Variants in PTPRD observed in about 807,000 individuals in gnomAD.
The protein encoded by PTPRD is receptor-type tyrosine-protein phosphatase delta.
Under a neutral mutation model 214.5 loss-of-function variants are expected in PTPRD, and 34 were observed. That is an observed-to-expected ratio of 0.16 (90% CI 0.12 to 0.21). The LOEUF is 0.21. Among genes scored for constraint, PTPRD ranks in the 10% least tolerant of loss-of-function variants. PTPRD has a pLI of 1.00. For missense variants in PTPRD, 2,545 were observed against 2,398.7 expected (o/e 1.06, Z -1.27); for synonymous variants, 1,128 against 845.7 (o/e 1.33, Z -5.79).
At chr9:9,783,052 T>C (rs1300941109) in intron 5 of PTPRD, among the ~76,000 whole-genome samples, 1 of 152,202 alleles carries the variant, frequency 6.6e-6, no homozygotes, top group Non-Finnish European at 1.5e-5. Context: ...TATGTTTAAT[T>C]ATCTTGTTTA....
At chr9:9,862,428 C>T (rs1175716341) in intron 5 of PTPRD, among the ~76,000 whole-genome samples, 1 of 152,208 alleles carries the variant, frequency 6.6e-6, no homozygotes, top group East Asian at 1.9e-4. Context: ...GTCAGTAGTT[C>T]TTCAAGATAT....
At chr9:9,818,192 G>A (rs1001731220) in intron 5 of PTPRD, among the ~76,000 whole-genome samples, 1 of 152,134 alleles carries the variant, frequency 6.6e-6, no homozygotes, top group Non-Finnish European at 1.5e-5. Flanking sequence ...AACAAGAAGT[G>A]TCAGACCTAA....
Position 10,137,428 on chromosome 9 carries a change from A to G in PTPRD, c.-544-103638T>C, listed in dbSNP as rs1327357832. 7.1e-4 allele frequency among the ~76,000 whole-genome samples: 18 copies of G among 25,282 alleles called. 2 individuals carry two copies. The highest frequency in any genetic ancestry group is 2.9e-3 in the African/African-American group (16 of 5,592). 16.6% of individuals were successfully genotyped at this position (25,282 alleles called of 152,430 possible). On this transcript the variant is annotated intron_variant, in intron 3 of 45. Coordinates refer to ENST00000381196, the MANE Select transcript of PTPRD (RefSeq NM_002839.4). ...GACATGGATGAAATTGGAAACCATC[A>G]TTCTCAGTAAACTATCGCAAGAACA... is the stretch of plus-strand genomic sequence containing the variant.
intron 3 of PTPRD, among the ~76,000 whole-genome samples, chr9:10,118,417 G>A (rs1591617015): frequency 6.6e-6 from 1 of 151,578 alleles, no homozygotes; most frequent in Non-Finnish European, 1.5e-5. Flanking sequence ...AAAGCACCTA[G>A]TTTAAAGAGT....
chr9:8,586,696 A>G (rs2093684383), intron 14 of PTPRD, among the ~76,000 whole-genome samples: 2 of 152,312 alleles, frequency 1.3e-5, no homozygotes, highest in Non-Finnish European at 1.5e-5. Context: ...GTCACTGTCT[A>G]TGCCTTTGGT....
chr9:9,959,132 G>A (rs544014779), intron 4 of PTPRD, among the ~76,000 whole-genome samples: 2 of 152,144 alleles, frequency 1.3e-5, no homozygotes, highest in Middle Eastern at 3.4e-3. Flanking sequence ...TAAACAAATT[G>A]TAGTATATCT....
chr9:9,360,805 C>G (rs2055822816), intron 9 of PTPRD, among the ~76,000 whole-genome samples: 1 of 150,866 alleles, frequency 6.6e-6, no homozygotes, highest in Non-Finnish European at 1.5e-5. Context: ...AAAAAGATTT[C>G]CAAGTGTATT....
At chr9:9,672,503 A>C (rs71497151) in intron 7 of PTPRD, among the ~76,000 whole-genome samples, 177 of 152,272 alleles carry the variant, frequency 1.2e-3, no homozygotes, top group Non-Finnish European at 2.3e-3. Context: ...AGCCCAGCAA[A>C]GTTAGTAGCT....
chr9:9,631,423 A>C (rs1351430626), intron 7 of PTPRD, among the ~76,000 whole-genome samples: 1 of 152,096 alleles, frequency 6.6e-6, no homozygotes. Context: ...TATTCTTTCA[A>C]ATGTTAAATT....
intron 2 of PTPRD, among the ~76,000 whole-genome samples, chr9:10,496,361 A>G (rs1461010926): frequency 1.3e-5 from 2 of 152,036 alleles, no homozygotes; most frequent in African/African-American, 2.4e-5. Flanking sequence ...TATAAGCCCT[A>G]CTTTATATAA....
At chr9:9,855,857 C>A (rs1240261058) in intron 5 of PTPRD, among the ~76,000 whole-genome samples, 1 of 152,200 alleles carries the variant, frequency 6.6e-6, no homozygotes, top group East Asian at 1.9e-4. Flanking sequence ...CCATGGACGG[C>A]TTTAAGCGCT....
At position 8,618,091 on chromosome 9, in the gene PTPRD, C is replaced by T. The variant is rs896638330; in HGVS notation, c.352+15226G>A. On this transcript the variant is annotated intron_variant, in intron 14 of 45. Transcript: ENST00000381196. ...TGAGGATCTTCTCACTGCTGCTTTC[C>T]GCAGTCTTAATTTGCAGATGCTTTT... is the stretch of plus-strand genomic sequence containing the variant. Among the ~76,000 whole-genome samples, 29 of 152,078 alleles carry T rather than the reference C, an allele frequency of 1.9e-4. No homozygotes were observed. In the East Asian group the frequency reaches 4.6e-3, roughly 24 times the overall value.
intron 33 of PTPRD, 93 bp from the exon 34 acceptor site, chr9:8,449,930 C>T (rs2133486700): frequency 1.6e-6 from 2 of 1,252,428 alleles, no homozygotes; most frequent in East Asian, 2.4e-5. Flanking sequence ...CCCCCACCTC[C>T]CAAGTTTTCA....
chr9:10,149,521 G>A (rs377249895), intron 3 of PTPRD, among the ~76,000 whole-genome samples: 4 of 152,006 alleles, frequency 2.6e-5, no homozygotes, highest in African/African-American at 4.8e-5. Context: ...GCCCTCCAGC[G>A]TGCCTCCGTC....
chr9:8,711,078 A>T (rs2098324069), intron 12 of PTPRD, among the ~76,000 whole-genome samples: 1 of 152,090 alleles, frequency 6.6e-6, no homozygotes, highest in Non-Finnish European at 1.5e-5. Flanking sequence ...TTATAGTAAC[A>T]TTTAATGTTA....
At chr9:9,416,865 CTA>C (rs1318946287) in intron 8 of PTPRD, among the ~76,000 whole-genome samples, 1 of 152,074 alleles carries the variant, frequency 6.6e-6, no homozygotes, top group Non-Finnish European at 1.5e-5. Context: ...CCTGTAAGAC[CTA>C]TTATTTCACA....
intron 7 of PTPRD, among the ~76,000 whole-genome samples, chr9:9,579,369 G>T (rs1433728662): frequency 2.6e-5 from 4 of 152,202 alleles, no homozygotes; most frequent in African/African-American, 7.2e-5. Flanking sequence ...GACTAGAGAG[G>T]TAAACAAATA....
chr9:10,070,341 TAA>T (rs2097978694), intron 3 of PTPRD, among the ~76,000 whole-genome samples: 1 of 152,080 alleles, frequency 6.6e-6, no homozygotes, highest in African/African-American at 2.4e-5. Context: ...TAGAGGATTA[TAA>T]AGTTTTTCTC....
chr9:10,442,287 A>G (rs2098764572), intron 2 of PTPRD, among the ~76,000 whole-genome samples: 1 of 151,708 alleles, frequency 6.6e-6, no homozygotes, highest in Non-Finnish European at 1.5e-5. Context: ...CAAATCTGCA[A>G]TCAAGGAAAA....
Sources: gnomAD v4.1 joint callset for allele counts (sites outside exome capture counted in the v4.1 genomes callset) on GRCh38, gnomAD v4.1.1 for gene constraint, MANE v1.5 for transcripts, NCBI Gene and HGNC (gene_info 2026-07-23, HGNC 2026-07-21) for gene names.